HDAC3: variants seen among roughly 807,000 people sequenced by gnomAD.
HDAC3 encodes the protein SMAP45.
A neutral mutation model predicts 62.3 loss-of-function variants in HDAC3; 21 were observed. The ratio of observed to expected loss-of-function variants is 0.34; its 90% CI spans 0.24 to 0.49. The LOEUF is 0.49. Among genes scored for constraint, HDAC3 ranks in the 20% least tolerant of loss-of-function variants. The pLI is 0.99. For missense variants in HDAC3, 270 were observed against 556.9 expected (o/e 0.48, Z 5.19); for synonymous variants, 198 against 206.5 (o/e 0.96, Z 0.35).
chr5:141,624,620 A>G (rs573019197), intron 14 of HDAC3, among the ~76,000 whole-genome samples: 4 of 151,718 alleles, frequency 2.6e-5, no homozygotes, highest in Non-Finnish European at 5.9e-5. Flanking sequence ...CCATTCTACT[A>G]TCTAACCCAC....
rs189003792 is a variant in HDAC3 at position 141,625,550 on chromosome 5, C to T, written c.1059+135G>A. On this transcript the variant is annotated intron_variant, in intron 13 of 14. Transcript: ENST00000305264. The surrounding 1 kb of genome is among the most constrained non-coding windows in gnomAD (Gnocchi z 4.0). ...CTGCCTCTACTTTAAACTGGACTGC[C>T]TCCTAGTCAATAACAGTGACTGTGA... 210 of 1,096,950 alleles carry T rather than the reference C, an allele frequency of 1.9e-4. No homozygotes were observed. The highest frequency in any genetic ancestry group is 2.7e-4 in the Non-Finnish European group (195 of 729,656). 68.0% of individuals were successfully genotyped at this position (1,096,950 alleles called of 1,614,324 possible). A position where few individuals can be genotyped will look rare whatever the true frequency, so the allele number is the denominator to read the frequency against.
intron 14 of HDAC3, among the ~76,000 whole-genome samples, chr5:141,621,972 C>G (rs989614558): frequency 1.3e-5 from 2 of 152,138 alleles, no homozygotes. Flanking sequence ...GCAAAGACTT[C>G]AGGAAGGCCA....
chr5:141,632,837 T>C (rs1215199094), intron 3 of HDAC3, among the ~76,000 whole-genome samples: 4 of 152,122 alleles, frequency 2.6e-5, no homozygotes, highest in Admixed American at 6.5e-5. Context: ...AGCTGAGGTG[T>C]AGGGATAAAG....
chr5:141,621,271 G>A lies in HDAC3; in HGVS notation c.*197C>T. ...CCTTGTCTGTATCTCATCCCTAATA[G>A]GTACCATTGTCAGGCCTTGGGAGAG... On this transcript the variant is annotated 3_prime_UTR_variant, in exon 15 of 15. Coordinates refer to ENST00000305264, the MANE Select transcript of HDAC3 (RefSeq NM_003883.4). 2 of 598,954 alleles carry A rather than the reference G, an allele frequency of 3.3e-6. No homozygotes were observed. The highest frequency in any genetic ancestry group is 5.9e-6 in the Non-Finnish European group (2 of 336,176). 37.1% of individuals were successfully genotyped at this position (598,954 alleles called of 1,614,324 possible).
At position 141,626,275 on chromosome 5, in the gene HDAC3, A is replaced by C; in HGVS notation, c.839T>G (p.Val280Gly). The change falls in exon 11 of 15, where the codon GTT becomes GGT. Residue 280 changes from valine (V) to glycine (G), a missense_variant. Val to Gly is a moderately radical substitution (Grantham distance 109). Coordinates refer to ENST00000305264, the MANE Select transcript of HDAC3 (RefSeq NM_003883.4). This position sits in a 1 kb window ranked among gnomAD's most constrained non-coding sequence, Gnocchi z 4.6. ...GATATTGAAGCTCTTGACATATTCA[A>C]CGCATTCCCTGTTAAAAGGAACCAG... is the stretch of plus-strand genomic sequence containing the variant. Reference protein sequence around the residue: ...NLSIRGHGECVEYVKSFNIPL... With the variant: ...NLSIRGHGECGEYVKSFNIPL... 6.2e-7 allele frequency: 1 copy of C among 1,613,896 alleles called. No homozygotes were observed.
chr5:141,621,426 G>A lies in HDAC3; in HGVS notation c.*42C>T. 2 of 1,571,294 alleles carry A rather than the reference G, an allele frequency of 1.3e-6. No individual in the cohort carries two copies. Among genetic ancestry groups the A allele is most frequent in the Middle Eastern group, 1.7e-4 (1 of 5,996 alleles). ...CCTTTTCCCTCCAGCCCAACCAAGA[G>A]GTGAAAAGAAATTCCTTGGGACACA... On this transcript the variant is annotated 3_prime_UTR_variant, in exon 15 of 15. Coordinates refer to ENST00000305264, the MANE Select transcript of HDAC3 (RefSeq NM_003883.4).
chr5:141,621,798 G>A (rs900206710), intron 14 of HDAC3, among the ~76,000 whole-genome samples: 3 of 152,162 alleles, frequency 2.0e-5, no homozygotes, highest in Admixed American at 1.3e-4. Context: ...CCTAATAAAT[G>A]AGACTAGTAA....
rs777368425 is a variant in HDAC3 at position 141,628,085 on chromosome 5, C to A, written c.765+29G>T. 125 of 1,610,362 alleles carry A rather than the reference C, an allele frequency of 7.8e-5. No homozygotes were observed. The highest frequency in any genetic ancestry group is 8.9e-5 in the East Asian group (4 of 44,858). On this transcript the variant is annotated intron_variant, in intron 9 of 14. Coordinates refer to ENST00000305264, the MANE Select transcript of HDAC3 (RefSeq NM_003883.4). The surrounding 1 kb of genome is among the most constrained non-coding windows in gnomAD (Gnocchi z 4.7). The stretch of plus-strand genomic sequence containing the variant: ...TCTCTTTCCCCAAGCCCAGGCAGAA[C>A]ACTCCTGAGGAGGAACTGACAGTAT...
rs1159368069 is a variant in HDAC3, at chr5:141,636,536, G to T, written c.138+12C>A. The T allele has an allele frequency of 6.2e-7, 1 of 1,612,488 alleles. No individual in the cohort carries two copies. Among genetic ancestry groups the T allele is most frequent in the Non-Finnish European group, 8.5e-7 (1 of 1,178,986 alleles). ...CCACCCCCCAACCCCCGGCCGAGGC[G>T]GCGGAACTCACGATCATCTTCTTAT... On this transcript the variant is annotated intron_variant, in intron 2 of 14. Transcript: ENST00000305264.
intron 3 of HDAC3, among the ~76,000 whole-genome samples, chr5:141,630,428 T>C (rs2099905029): frequency 6.6e-6 from 1 of 152,224 alleles, no homozygotes; most frequent in Non-Finnish European, 1.5e-5. Context: ...AGGAAATCAG[T>C]TGAAAGAAAA....
In HDAC3 at chr5:141,628,922, G is replaced by T. The variant is rs1348270827; in HGVS notation, c.610+251C>A. ...TTATATTCTTAGGGAATAGCCATGA[G>T]GAGGAGGGAGGCAGTAAACAAAACA... On this transcript the variant is annotated intron_variant, in intron 7 of 14. Transcript: ENST00000305264. This position sits in a 1 kb window ranked among gnomAD's most constrained non-coding sequence, Gnocchi z 4.7. 6.6e-6 allele frequency among the ~76,000 whole-genome samples: 1 copy of T among 152,220 alleles called. No individual in the cohort carries two copies. Among genetic ancestry groups the T allele is most frequent in the Non-Finnish European group, 1.5e-5 (1 of 68,042 alleles).
At chr5:141,623,686 C>T (rs2099904008) in intron 14 of HDAC3, among the ~76,000 whole-genome samples, 1 of 152,098 alleles carries the variant, frequency 6.6e-6, no homozygotes, top group Non-Finnish European at 1.5e-5. Context: ...AGAGTCAGAG[C>T]AGTAAAGCCC....
In HDAC3 at chr5:141,625,342, T is replaced by A. The variant is rs1364604382; in HGVS notation, c.1083A>T (p.Thr361=). Residue 361 remains threonine (T), a synonymous_variant, in exon 14 of 15, where the codon ACA becomes ACT. Coordinates refer to ENST00000305264, the MANE Select transcript of HDAC3 (RefSeq NM_003883.4). The surrounding 1 kb of genome is among the most constrained non-coding windows in gnomAD (Gnocchi z 4.0). ...SRQYLDQIRQ[T]IFENLKMLNH... is the part of the protein sequence containing the mutation. ...TCAGCATCTTCAGGTTTTCAAAGAT[T>A]GTCTGGCGGATCTGGTCCAGATACT... 2 of 1,614,160 alleles carry A rather than the reference T, an allele frequency of 1.2e-6. No homozygotes were observed. The highest frequency in any genetic ancestry group is 1.7e-6 in the Non-Finnish European group (2 of 1,180,032).
chr5:141,625,488 C>T lies in HDAC3; in HGVS notation c.1060-123G>A. The T allele has an allele frequency of 8.3e-7, 1 of 1,198,272 alleles. No homozygotes were observed. The highest frequency in any genetic ancestry group is 1.2e-6 in the Non-Finnish European group (1 of 818,386). 74.2% of individuals were successfully genotyped at this position (1,198,272 alleles called of 1,614,324 possible). On this transcript the variant is annotated intron_variant, in intron 13 of 14. Coordinates refer to ENST00000305264, the MANE Select transcript of HDAC3 (RefSeq NM_003883.4). The surrounding 1 kb of genome is among the most constrained non-coding windows in gnomAD (Gnocchi z 4.0). ...TCTCAGTGGTACCTCTAGTTCAGGT[C>T]CCCCAACTGATAGCTCTCCCTCCCC...
chr5:141,629,010 T>C lies in HDAC3; in HGVS notation c.610+163A>G, dbSNP rs535057356. ...GTTCTGAGGGAAACAATGAGGCTGA[T>C]GTAACAGAGGAATGGGGAAGGAGGT... On this transcript the variant is annotated intron_variant, in intron 7 of 14. Coordinates refer to ENST00000305264, the MANE Select transcript of HDAC3 (RefSeq NM_003883.4). This position sits in a 1 kb window ranked among gnomAD's most constrained non-coding sequence, Gnocchi z 5.3. Among the ~76,000 whole-genome samples, 3 of 152,166 alleles carry C rather than the reference T, an allele frequency of 2.0e-5. No homozygotes were observed. The highest frequency in any genetic ancestry group is 4.1e-4 in the South Asian group (2 of 4,822).
chr5:141,636,569 G>A lies in HDAC3; in HGVS notation c.117C>T (p.Tyr39=). ...LALTHSLVLH[Y]GLYKKMIVFK... ...TCACGATCATCTTCTTATAGAGACC[G>A]TAATGCAGGACCAGGCTATGGGTCA... The change falls in exon 2 of 15, where the codon TAC becomes TAT. Residue 39 remains tyrosine, a synonymous_variant. Transcript: ENST00000305264. The A allele has an allele frequency of 6.2e-7, 1 of 1,613,772 alleles. No homozygotes were observed. The highest frequency in any genetic ancestry group is 8.5e-7 in the Non-Finnish European group (1 of 1,179,882).
Position 141,621,380 on chromosome 5 carries a change from C to A in HDAC3, c.*88G>T, listed in dbSNP as rs909324704. 1.8e-5 allele frequency: 23 copies of A among 1,250,248 alleles called. No homozygotes were observed. The highest frequency in any genetic ancestry group is 2.6e-5 in the Non-Finnish European group (22 of 851,034). The allele number at this position is 1,250,248 out of a possible 1,614,324, so 77.4% of individuals were successfully genotyped here. A position where few individuals can be genotyped will look rare whatever the true frequency, so the allele number is the denominator to read the frequency against. ...AGTCAGCAAAAGCCCTGGGGTGACC[C>A]CCAGGACTCTAGGAGCCACTCCTTT... On this transcript the variant is annotated 3_prime_UTR_variant, in exon 15 of 15. Coordinates refer to ENST00000305264, the MANE Select transcript of HDAC3 (RefSeq NM_003883.4).
chr5:141,625,119 A>C lies in HDAC3; in HGVS notation c.1217+89T>G. On this transcript the variant is annotated intron_variant, in intron 14 of 14. Transcript: ENST00000305264. The surrounding 1 kb of genome is among the most constrained non-coding windows in gnomAD (Gnocchi z 4.0). ...GACTAAAGGAGGTAAGCCAGAGGCA[A>C]TTAAACTAATACCTTCCCATTTACT... 1 of 1,234,376 alleles carries C rather than the reference A, an allele frequency of 8.1e-7. No homozygotes were observed. Among genetic ancestry groups the C allele is most frequent in the Non-Finnish European group, 1.1e-6 (1 of 891,348 alleles). The allele number at this position is 1,234,376 out of a possible 1,614,324, so 76.5% of individuals were successfully genotyped here.
At chr5:141,636,230 G>A (rs2099905973) in intron 2 of HDAC3, 1 of 385,430 alleles carries the variant, frequency 2.6e-6, no homozygotes, top group Admixed American at 3.5e-5. Context: ...TGAGGCCAAG[G>A]CCCTATCCAC....
Sources: allele counts gnomAD v4.1 joint callset (sites outside exome capture counted in the v4.1 genomes callset), GRCh38; gene constraint gnomAD v4.1.1; non-coding constraint Gnocchi (gnomAD v3.1); transcripts MANE v1.5; gene names NCBI Gene and HGNC (gene_info 2026-07-23, HGNC 2026-07-21).